PPFIA2: variants seen among roughly 807,000 people sequenced by gnomAD.
PPFIA2 encodes liprin-alpha-2.
In PPFIA2, 46 loss-of-function variants were observed where a neutral mutation model predicts 175.5. The ratio of observed to expected loss-of-function variants is 0.26; its 90% CI spans 0.21 to 0.34. The LOEUF is 0.34. Ranked by LOEUF, PPFIA2 falls within the 10% of genes least tolerant of loss-of-function variation. The pLI, the probability that PPFIA2 is intolerant of heterozygous loss-of-function variation, is 1.00. For synonymous variants in PPFIA2, 568 were observed against 511.4 expected (o/e 1.11, Z -1.49); for missense variants, 1,179 against 1,506.1 (o/e 0.78, Z 3.60).
At chr12:81,562,499 T>C (rs1410756384) in intron 4 of PPFIA2, among the ~76,000 whole-genome samples, 1 of 152,078 alleles carries the variant, frequency 6.6e-6, no homozygotes, top group African/African-American at 2.4e-5. Context: ...CTGAAGATGA[T>C]AGGTAAATAA....
intron 8 of PPFIA2, among the ~76,000 whole-genome samples, chr12:81,401,525 TTTG>T (rs1447661836): frequency 6.6e-6 from 1 of 152,202 alleles, no homozygotes; most frequent in Non-Finnish European, 1.5e-5. Context: ...TAATATTATT[TTTG>T]ATACCACAAT....
chr12:81,266,870 A>G, intron 30 of PPFIA2, 82 bp downstream of exon 30: 1 of 955,670 alleles, frequency 1.0e-6, no homozygotes, highest in Non-Finnish European at 1.6e-6. Context: ...TTAATTTCCA[A>G]GCACTATTCC....
At chr12:81,738,000 TG>T in intron 3 of PPFIA2, among the ~76,000 whole-genome samples, 1 of 151,852 alleles carries the variant, frequency 6.6e-6, no homozygotes, top group East Asian at 1.9e-4. Flanking sequence ...TAAGTCACAA[TG>T]TTAATCTCTA....
rs542643462 is a variant in PPFIA2 at position 81,515,958 on chromosome 12, C to A, written c.304-58092G>T. The stretch of plus-strand genomic sequence containing the variant: ...CATATACTTGGAAAGACCTTAAACT[C>A]CCAGCATGCCAAATTTTTTTTTTTG... On this transcript the variant is annotated intron_variant, in intron 4 of 32. Transcript: ENST00000549396. Among the ~76,000 whole-genome samples the A allele has an allele frequency of 3.1e-4, 39 of 127,298 alleles. No homozygotes were observed. In the South Asian group the frequency reaches 4.2e-3, roughly 14 times the overall value. The allele number at this position is 127,298 out of a possible 152,430, so 83.5% of individuals were successfully genotyped here.
chr12:81,370,063 T>C (rs189663409), intron 11 of PPFIA2, among the ~76,000 whole-genome samples: 39 of 151,926 alleles, frequency 2.6e-4, no homozygotes, highest in African/African-American at 5.8e-4. Flanking sequence ...ATGTCTCTGA[T>C]AGATTGTTAA....
chr12:81,647,068 G>C (rs893101354), intron 4 of PPFIA2, among the ~76,000 whole-genome samples: 2 of 126,100 alleles, frequency 1.6e-5, no homozygotes, highest in South Asian at 2.7e-4. Context: ...AAAAAAAAGG[G>C]GGGGGGAGCG....
intron 4 of PPFIA2, among the ~76,000 whole-genome samples, chr12:81,605,612 A>G (rs929660794): frequency 2.0e-5 from 3 of 151,674 alleles, no homozygotes; most frequent in Admixed American, 6.6e-5. Flanking sequence ...TAAGTATGTA[A>G]TATCACTAGC....
chr12:81,563,526 C>T (rs1340506883), intron 4 of PPFIA2, among the ~76,000 whole-genome samples: 3 of 152,142 alleles, frequency 2.0e-5, no homozygotes, highest in African/African-American at 7.2e-5. Flanking sequence ...AATCCAAAAT[C>T]CTCTTCTTAG....
In PPFIA2 at chr12:81,670,645, A is replaced by G. The variant is rs1341810311; in HGVS notation, c.303+6146T>C. On this transcript the variant is annotated intron_variant, in intron 4 of 32. Transcript: ENST00000549396. ...ATAGTTCTCTACAGTCACTGAATAC[A>G]GTTGTTAGTCTTCCATTTAATCTCT... 4.6e-5 allele frequency among the ~76,000 whole-genome samples: 7 copies of G among 151,902 alleles called. No individual in the cohort carries two copies. In the Admixed American group the frequency reaches 4.6e-4, roughly 10 times the overall value.
chr12:81,434,390 T>G (rs1170918175), intron 7 of PPFIA2, among the ~76,000 whole-genome samples: 1 of 152,022 alleles, frequency 6.6e-6, no homozygotes, highest in Non-Finnish European at 1.5e-5. Context: ...CTTGCAGAAT[T>G]ACACAGCAAA....
chr12:81,652,269 A>G (rs886897804), intron 4 of PPFIA2, among the ~76,000 whole-genome samples: 1 of 149,390 alleles, frequency 6.7e-6, no homozygotes, highest in Non-Finnish European at 1.5e-5. Flanking sequence ...TTAAAACAGA[A>G]TACCATTGAG....
intron 7 of PPFIA2, among the ~76,000 whole-genome samples, chr12:81,425,528 G>A (rs2046990456): frequency 6.6e-6 from 1 of 151,952 alleles, no homozygotes; most frequent in African/African-American, 2.4e-5. Context: ...GTATTTTTAT[G>A]TATTTATTTA....
intron 4 of PPFIA2, among the ~76,000 whole-genome samples, chr12:81,598,650 T>C (rs965397776): frequency 6.6e-6 from 1 of 150,480 alleles, no homozygotes; most frequent in Non-Finnish European, 1.5e-5. Flanking sequence ...TTTTTTTTTT[T>C]AAAGGGAGTT....
At chr12:81,394,770 T>C (rs912590173) in intron 8 of PPFIA2, among the ~76,000 whole-genome samples, 11 of 151,002 alleles carry the variant, frequency 7.3e-5, no homozygotes, top group African/African-American at 2.7e-4. Flanking sequence ...TGTATATCTA[T>C]GTAACAAACC....
chr12:81,606,871 C>A (rs1446076890), intron 4 of PPFIA2, among the ~76,000 whole-genome samples: 1 of 151,768 alleles, frequency 6.6e-6, no homozygotes, highest in African/African-American at 2.4e-5. Context: ...GGGGACTTGG[C>A]AAAAAAATAT....
intron 21 of PPFIA2, among the ~76,000 whole-genome samples, chr12:81,329,227 A>G (rs886277970): frequency 1.3e-5 from 2 of 151,962 alleles, no homozygotes; most frequent in African/African-American, 4.8e-5. Context: ...AATGAACTCC[A>G]CCCCTTTCAT....
chr12:81,473,645 A>G (rs567842303), intron 4 of PPFIA2, among the ~76,000 whole-genome samples: 3 of 152,170 alleles, frequency 2.0e-5, no homozygotes, highest in Admixed American at 2.0e-4. Context: ...AATAACCCAA[A>G]CTGGCACCCA....
intron 4 of PPFIA2, among the ~76,000 whole-genome samples, chr12:81,518,130 G>A (rs983318749): frequency 6.6e-6 from 1 of 151,994 alleles, no homozygotes; most frequent in African/African-American, 2.4e-5. Context: ...CACAAAAAAT[G>A]CCCCAGATTT....
chr12:81,523,506 AT>A (rs1380914767), intron 4 of PPFIA2, among the ~76,000 whole-genome samples: 1 of 152,122 alleles, frequency 6.6e-6, no homozygotes, highest in East Asian at 1.9e-4. Context: ...CACTTAGCAC[AT>A]TTTTGTCATT....
Sources: gnomAD v4.1 joint callset for allele counts (sites outside exome capture counted in the v4.1 genomes callset) on GRCh38, gnomAD v4.1.1 for gene constraint, MANE v1.5 for transcripts, NCBI Gene and HGNC (gene_info 2026-07-23, HGNC 2026-07-21) for gene names.